Variants in DMD observed in about 807,000 individuals in gnomAD.
DMD encodes the protein mutant dystrophin.
A neutral mutation model predicts 330.1 loss-of-function variants in DMD; 63 were observed. The ratio of observed to expected loss-of-function variants is 0.19; its 90% CI spans 0.16 to 0.24. The LOEUF is 0.24. Ranked by LOEUF, DMD falls within the 10% of genes least tolerant of loss-of-function variation. The pLI is 1.00. For synonymous variants in DMD, 1,223 were observed against 959.8 expected (o/e 1.27, Z -5.07); for missense variants, 3,344 against 2,684.1 (o/e 1.25, Z -5.43).
At chrX:33,204,390 C>T (rs761655162) in intron 1 of DMD, among the ~76,000 whole-genome samples, 12 of 111,704 alleles carry the variant, frequency 1.1e-4, no homozygotes, top group Non-Finnish European at 2.3e-4. Context: ...AAACATTGCT[C>T]CCTCTGACAG....
intron 55 of DMD, among the ~76,000 whole-genome samples, chrX:31,548,207 G>A (rs892955354): frequency 8.9e-6 from 1 of 111,891 alleles, no homozygotes; most frequent in African/African-American, 3.3e-5. Flanking sequence ...ATGGTTCATA[G>A]GTTGCCAGCA....
intron 61 of DMD, among the ~76,000 whole-genome samples, chrX:31,328,118 TA>T (rs2148334913): frequency 8.9e-6 from 1 of 112,463 alleles, no homozygotes; most frequent in East Asian, 2.8e-4. Flanking sequence ...ATTTATTGAA[TA>T]AATTCCCTCT....
chrX:32,479,653 T>C (rs1292025238), intron 21 of DMD, among the ~76,000 whole-genome samples: 2 of 109,767 alleles, frequency 1.8e-5, no homozygotes, highest in African/African-American at 3.3e-5. Flanking sequence ...ATTGCATATA[T>C]ATATCATATA....
At chrX:31,469,603 T>C (rs1382131985) in intron 59 of DMD, among the ~76,000 whole-genome samples, 1 of 111,883 alleles carries the variant, frequency 8.9e-6, no homozygotes, top group Non-Finnish European at 1.9e-5. Flanking sequence ...GCCCTTAACA[T>C]TTTTTCCTTC....
chrX:33,258,617 A>G (rs186796183), intron 1 of DMD, among the ~76,000 whole-genome samples: 2 of 111,414 alleles, frequency 1.8e-5, no homozygotes, highest in East Asian at 5.6e-4. Context: ...ACGACTGGCA[A>G]CAAAATGACA....
intron 61 of DMD, among the ~76,000 whole-genome samples, chrX:31,327,279 A>G (rs1334614662): frequency 8.9e-6 from 1 of 112,374 alleles, no homozygotes; most frequent in Non-Finnish European, 1.9e-5. Flanking sequence ...TATGTTATTA[A>G]GAGCAAGAAA....
At position 32,382,915 on chromosome X, in the gene DMD, G is replaced by A. The variant is rs190020606; in HGVS notation, c.4675-2235C>T. Among the ~76,000 whole-genome samples, 37 of 110,799 alleles carry A rather than the reference G, an allele frequency of 3.3e-4. No individual in the cohort carries two copies. In the East Asian group the frequency reaches 6.2e-3, roughly 19 times the overall value. On this transcript the variant is annotated intron_variant, in intron 33 of 78. Coordinates refer to ENST00000357033, the MANE Select transcript of DMD (RefSeq NM_004006.3). Reference sequence around the variant, plus strand: ...GAAAATTGAGTTTTATACTTTGTGTGTGTATGCGAGGAATGGATACGTTTA... The same window carrying A: ...GAAAATTGAGTTTTATACTTTGTGTATGTATGCGAGGAATGGATACGTTTA...
At position 31,206,634 on chromosome X, in the gene DMD, A is replaced by T. The variant is rs760526098; in HGVS notation, c.9597T>A (p.Phe3199Leu). Residue 3199 changes from phenylalanine to leucine, a missense_variant, in exon 66 of 79, where the codon TTT becomes TTA. Transcript: ENST00000357033. ...TACACAGGGAAATGATGCCAGTTTT[A>T]AAAGACAGGACACGGATCCTCCCTG... ...GRTGRIRVLS[F>L]KTGIISLCKA... 4 of 1,210,987 alleles carry T rather than the reference A, an allele frequency of 3.3e-6. No individual in the cohort carries two copies. Among genetic ancestry groups the T allele is most frequent in the Non-Finnish European group, 4.5e-6 (4 of 894,844 alleles).
intron 55 of DMD, among the ~76,000 whole-genome samples, chrX:31,599,040 G>T (rs2077230787): frequency 8.9e-6 from 1 of 111,807 alleles, no homozygotes; most frequent in Non-Finnish European, 1.9e-5. Flanking sequence ...GCGATGTATA[G>T]AAAGATTTTC....
At chrX:32,052,382 C>G (rs1398508649) in intron 44 of DMD, among the ~76,000 whole-genome samples, 3 of 110,959 alleles carry the variant, frequency 2.7e-5, no homozygotes, top group African/African-American at 9.8e-5. Flanking sequence ...CCTGTTTCAC[C>G]AGTCACCTGA....
rs141896389 is a variant in DMD, at chrX:31,375,493, G to A, written c.9085-26859C>T. 2.8e-3 allele frequency among the ~76,000 whole-genome samples: 307 copies of A among 111,504 alleles called. 16 individuals are homozygous for A. In the East Asian group the frequency reaches 0.061, roughly 22 times the overall value. On this transcript the variant is annotated intron_variant, in intron 60 of 78. Coordinates refer to ENST00000357033, the MANE Select transcript of DMD (RefSeq NM_004006.3). ...GGAAAAAAGGTACACAGTTGTTATT[G>A]AGAGTTGTGCTGGGAATAAAACGAG...
chrX:31,304,603 T>TTA (rs201982524), intron 62 of DMD, among the ~76,000 whole-genome samples: 1,712 of 104,585 alleles, frequency 0.016, 23 homozygotes, highest in African/African-American at 0.036. Context: ...TGTGAGCATT[T>TTA]TATATATATA....
At chrX:32,449,632 A>G (rs1426166851) in intron 26 of DMD, among the ~76,000 whole-genome samples, 7 of 103,344 alleles carry the variant, frequency 6.8e-5, no homozygotes, top group Non-Finnish European at 1.4e-4. Context: ...CATGTTGTGT[A>G]TTCTCCCTCA....
intron 55 of DMD, among the ~76,000 whole-genome samples, chrX:31,512,114 T>C (rs2071671082): frequency 9.0e-6 from 1 of 110,771 alleles, no homozygotes; most frequent in Non-Finnish European, 1.9e-5. Flanking sequence ...ATGTGTCTTT[T>C]GGCTGCATAA....
At chrX:32,223,529 A>T (rs1277242354) in intron 43 of DMD, among the ~76,000 whole-genome samples, 1 of 111,871 alleles carries the variant, frequency 8.9e-6, no homozygotes, top group Non-Finnish European at 1.9e-5. Context: ...CTCCTGGAAT[A>T]TGAACATATG....
intron 55 of DMD, among the ~76,000 whole-genome samples, chrX:31,605,803 T>C (rs1168575594): frequency 8.9e-6 from 1 of 112,043 alleles, no homozygotes; most frequent in Non-Finnish European, 1.9e-5. Flanking sequence ...AAGAAATACT[T>C]GAGAAGAGAT....
intron 1 of DMD, among the ~76,000 whole-genome samples, chrX:33,313,700 A>G (rs1453974052): frequency 9.0e-6 from 1 of 111,213 alleles, no homozygotes; most frequent in Non-Finnish European, 1.9e-5. Context: ...ATGCAAAGGA[A>G]TGTCATAAAT....
chrX:31,174,622 A>G (rs957778122), intron 71 of DMD, among the ~76,000 whole-genome samples: 10 of 111,671 alleles, frequency 9.0e-5, no homozygotes, highest in Non-Finnish European at 1.7e-4. Context: ...GTCAACGATA[A>G]TGTAATTCAG....
rs1177943224 is a variant in DMD, at chrX:32,675,076, T to C, written c.960+22794A>G. 2.7e-5 allele frequency among the ~76,000 whole-genome samples: 3 copies of C among 111,851 alleles called. No individual in the cohort carries two copies. In the Admixed American group the frequency reaches 2.9e-4, roughly 11 times the overall value. On this transcript the variant is annotated intron_variant, in intron 9 of 78. Transcript: ENST00000357033. ...TCAAATTCAATGTTCAATTGCTCAGTTCACCAAATCTAGTTAATTGCTGTT... is the reference window on the plus strand; with the variant it reads ...TCAAATTCAATGTTCAATTGCTCAGCTCACCAAATCTAGTTAATTGCTGTT...
Sources: allele counts gnomAD v4.1 joint callset (sites outside exome capture counted in the v4.1 genomes callset), GRCh38; gene constraint gnomAD v4.1.1; transcripts MANE v1.5; gene names NCBI Gene and HGNC (gene_info 2026-07-23, HGNC 2026-07-21).